Variants in GUCY2D observed in about 807,000 individuals in gnomAD.
GUCY2D encodes guanylate cyclase 2D, retinal.
A neutral mutation model predicts 101.3 loss-of-function variants in GUCY2D; 70 were observed. The ratio of observed to expected loss-of-function variants is 0.69; its 90% CI spans 0.57 to 0.84. The LOEUF (loss-of-function observed/expected upper bound fraction) is 0.84. Among genes scored for constraint, GUCY2D ranks in the 40% least tolerant of loss-of-function variants. GUCY2D has a pLI of 0.00. For missense variants in GUCY2D, 1,460 were observed against 1,542.5 expected, an observed-to-expected ratio of 0.95 and a Z score of 0.90; for synonymous variants, 688 against 670.7, an observed-to-expected ratio of 1.03 and a Z score of -0.40.
At chr17:8,007,396 C>T (rs771139931) in intron 5 of GUCY2D, 30 bp from the exon 6 acceptor site, 5 of 1,450,646 alleles carry the variant, frequency 3.4e-6, no homozygotes, top group Non-Finnish European at 4.8e-6. Flanking sequence ...ACTTGGTGCC[C>T]TTGGTGGAGG....
intron 19 of GUCY2D, among the ~76,000 whole-genome samples, chr17:8,019,055 A>T (rs1408745769): frequency 6.6e-6 from 1 of 152,180 alleles, no homozygotes; most frequent in Non-Finnish European, 1.5e-5. Flanking sequence ...AACAAAACAA[A>T]ACCCGGGCAT....
At chr17:8,007,620 G>A in intron 6 of GUCY2D, 92 bp downstream of exon 6, 1 of 796,846 alleles carries the variant, frequency 1.3e-6, no homozygotes, top group Non-Finnish European at 2.2e-6. Context: ...TCCCTACTTG[G>A]GAAGCCTGAT....
At chr17:8,017,778 C>T (rs1211276908) in intron 19 of GUCY2D, among the ~76,000 whole-genome samples, 1 of 152,116 alleles carries the variant, frequency 6.6e-6, no homozygotes, top group Non-Finnish European at 1.5e-5. Context: ...TTGCAACCTC[C>T]TCCTCTCAGG....
chr17:8,015,214 C>T, intron 14 of GUCY2D, 114 bp from the exon 15 acceptor site: 1 of 1,135,212 alleles, frequency 8.8e-7, no homozygotes, highest in Non-Finnish European at 1.3e-6. Flanking sequence ...AGTCCTTCCA[C>T]TAGCAACCTG....
chr17:8,014,435 A>T lies in GUCY2D; in HGVS notation c.2413-166A>T. The T allele has an allele frequency of 1.4e-6, 1 of 715,480 alleles. No homozygotes were observed. Among genetic ancestry groups the T allele is most frequent in the Non-Finnish European group, 2.5e-6 (1 of 398,600 alleles). 44.3% of individuals were successfully genotyped at this position (715,480 alleles called of 1,614,324 possible). ...ACGTGCCTCCTAATCGTGTCTGAAA[A>T]CACAGTGCCCAGCACCCCGGGGTGC... On this transcript the variant is annotated intron_variant, in intron 12 of 19. Coordinates refer to ENST00000254854, the MANE Select transcript of GUCY2D (RefSeq NM_000180.4). This position sits in a 1 kb window ranked among gnomAD's most constrained non-coding sequence, Gnocchi z 4.0.
Position 8,012,124 on chromosome 17 carries a change from G to C in GUCY2D, c.1750-20G>C. The C allele has an allele frequency of 6.3e-7, 1 of 1,593,098 alleles. No homozygotes were observed. Among genetic ancestry groups the C allele is most frequent in the East Asian group, 2.2e-5 (1 of 44,774 alleles). On this transcript the variant is annotated intron_variant, in intron 8 of 19. Transcript: ENST00000254854. ...ACATTGCCCTGGGCAGAAAATGCAA[G>C]TCAACTCTCCCCCTCTCAGCTCCAG... is the stretch of plus-strand genomic sequence containing the variant.
rs763034153 is a variant in GUCY2D at position 8,014,826 on chromosome 17, C to T, written c.2577-33C>T. The T allele has an allele frequency of 1.9e-6, 3 of 1,612,112 alleles. No individual in the cohort carries two copies. Among genetic ancestry groups the T allele is most frequent in the Non-Finnish European group, 1.7e-6 (2 of 1,178,368 alleles). ...GCTGGAGCCCAGCCAGGTAGAGTGG[C>T]CCCCAGGTGACCTCACTGCCTGCCA... On this transcript the variant is annotated intron_variant, in intron 13 of 19. Coordinates refer to ENST00000254854, the MANE Select transcript of GUCY2D (RefSeq NM_000180.4). The surrounding 1 kb of genome is among the most constrained non-coding windows in gnomAD (Gnocchi z 4.0).
chr17:8,003,860 A>G lies in GUCY2D; in HGVS notation c.730A>G (p.Met244Val), dbSNP rs141956583. The G allele has an allele frequency of 1.2e-6, 2 of 1,612,226 alleles. No homozygotes were observed. The highest frequency in any genetic ancestry group is 3.3e-5 in the Admixed American group (2 of 59,988). Residue 244 changes from methionine (M) to valine (V), a missense_variant, in exon 3 of 20, where the codon ATG (methionine) becomes GTG (valine). This residue lies in a region of GUCY2D where 1,196 missense variants were observed against 1,229.6 expected (regional missense o/e 0.97). Coordinates refer to ENST00000254854, the MANE Select transcript of GUCY2D (RefSeq NM_000180.4). ...CAAGCCTCTGTCCGCAGCAGTGATCATGGTGATGCACTCGGTGCTGCTGGG... is the reference window on the plus strand; with the variant it reads ...CAAGCCTCTGTCCGCAGCAGTGATCGTGGTGATGCACTCGGTGCTGCTGGG... ...RDGPRVTAVI[M>V]VMHSVLLGGE...
intron 16 of GUCY2D, 28 bp from the exon 17 acceptor site, chr17:8,015,899 G>A (rs1975961563): frequency 8.8e-6 from 14 of 1,596,346 alleles, no homozygotes; most frequent in African/African-American, 2.7e-5. Flanking sequence ...GGTGAGTCCC[G>A]AGCTCACGGC....
In GUCY2D at chr17:8,003,179, G is replaced by C; in HGVS notation, c.132G>C (p.Leu44=). The C allele has an allele frequency of 6.6e-7, 1 of 1,514,014 alleles. No homozygotes were observed. The highest frequency in any genetic ancestry group is 8.8e-7 in the Non-Finnish European group (1 of 1,137,196). 93.8% of individuals were successfully genotyped at this position (1,514,014 alleles called of 1,614,324 possible). ...TCCCGCTCCTGCTGCTCCTGCTTCT[G>C]CTGCAGCCCCCCGCCCTCTCCGCCG... is the stretch of plus-strand genomic sequence containing the variant. ...PRLPLLLLLL[L]LQPPALSAVF... The change falls in exon 2 of 20, where the codon CTG becomes CTC. Residue 44 remains leucine (L), a synonymous_variant. Coordinates refer to ENST00000254854, the MANE Select transcript of GUCY2D (RefSeq NM_000180.4).
intron 3 of GUCY2D, among the ~76,000 whole-genome samples, chr17:8,004,993 G>C (rs978358647): frequency 1.3e-5 from 2 of 151,982 alleles, no homozygotes; most frequent in Admixed American, 1.3e-4. Flanking sequence ...AGGGAGGGTC[G>C]GTCAGTGGAG....
rs1198818689 is a variant in GUCY2D at position 8,007,517 on chromosome 17, A to C, written c.1555A>C (p.Thr519Pro). 3 of 1,599,986 alleles carry C rather than the reference A, an allele frequency of 1.9e-6. No individual in the cohort carries two copies. Among genetic ancestry groups the C allele is most frequent in the Non-Finnish European group, 2.6e-6 (3 of 1,167,484 alleles). ...CACCTTTCTCCACCCACATGGGGGC[A>C]CCTCTCGAAAGGTGGGGGAGGCAGA... Reference protein sequence around the residue: ...DITFLHPHGGTSRKVAQGSRS... With the variant: ...DITFLHPHGGPSRKVAQGSRS... The change falls in exon 6 of 20, where the codon ACC becomes CCC. Residue 519 changes from threonine to proline, a missense_variant. By Grantham distance (38) the Thr-to-Pro change is conservative. Coordinates refer to ENST00000254854, the MANE Select transcript of GUCY2D (RefSeq NM_000180.4).
chr17:8,014,201 T>TGTG lies in GUCY2D; in HGVS notation c.2412+175_2412+177dup, dbSNP rs1278784539. ...TTGGGGGCAGAATTGGAATGGGGGC[T>TGTG]GTGGAGGCTTTTGGAGTGGGAGATA... On this transcript the variant is annotated intron_variant, in intron 12 of 19. Coordinates refer to ENST00000254854, the MANE Select transcript of GUCY2D (RefSeq NM_000180.4). This position sits in a 1 kb window ranked among gnomAD's most constrained non-coding sequence, Gnocchi z 4.0. The TGTG allele has an allele frequency of 1.8e-5, 12 of 679,810 alleles. No homozygotes were observed. The highest frequency in any genetic ancestry group is 2.9e-5 in the Non-Finnish European group (11 of 379,184). The allele number at this position is 679,810 out of a possible 1,614,324, so 42.1% of individuals were successfully genotyped here. A position where few individuals can be genotyped will look rare whatever the true frequency, so the allele number is the denominator to read the frequency against.
Position 8,013,122 on chromosome 17 carries a change from G to A in GUCY2D, c.2133G>A (p.Pro711=), listed in dbSNP as rs750635086. The A allele has an allele frequency of 1.6e-5, 26 of 1,613,144 alleles. No individual in the cohort carries two copies. The highest frequency in any genetic ancestry group is 2.0e-5 in the Non-Finnish European group (24 of 1,179,954). Residue 711 remains proline (P), a synonymous_variant, in exon 11 of 20, where the codon CCG becomes CCA. Coordinates refer to ENST00000254854, the MANE Select transcript of GUCY2D (RefSeq NM_000180.4). The surrounding 1 kb of genome is among the most constrained non-coding windows in gnomAD (Gnocchi z 5.0). ...PRAEDQLWTA[P]ELLRDPALER... is the part of the protein sequence containing the mutation. ...CCCCAGACCAGCTGTGGACAGCCCC[G>A]GAGCTGCTTAGGGACCCAGCCCTGG...
In GUCY2D at chr17:8,006,343, C is replaced by A. The variant is rs1275683113; in HGVS notation, c.1027-20C>A. 1.3e-6 allele frequency: 2 copies of A among 1,581,730 alleles called. No individual in the cohort carries two copies. Among genetic ancestry groups the A allele is most frequent in the Admixed American group, 1.7e-5 (1 of 59,962 alleles). ...GTGGGCTGTGACCCCGACCTCTGAG[C>A]CCCTACTCTCCTTCTCCAGGTCTCC... On this transcript the variant is annotated intron_variant, in intron 3 of 19. Coordinates refer to ENST00000254854, the MANE Select transcript of GUCY2D (RefSeq NM_000180.4).
In GUCY2D at chr17:8,013,637, A is replaced by G; in HGVS notation, c.2264-243A>G. The G allele has an allele frequency of 1.7e-6, 1 of 591,130 alleles. No homozygotes were observed. Among genetic ancestry groups the G allele is most frequent in the Non-Finnish European group, 3.0e-6 (1 of 331,496 alleles). 36.6% of individuals were successfully genotyped at this position (591,130 alleles called of 1,614,324 possible). ...ATCCCTCACTTGTCTTACATACAAT[A>G]TGTTAGTTTCTTTGCCTATGTCACC... On this transcript the variant is annotated intron_variant, in intron 11 of 19. Transcript: ENST00000254854. This position sits in a 1 kb window ranked among gnomAD's most constrained non-coding sequence, Gnocchi z 5.0.
At chr17:8,017,268 G>A (rs551592000) in intron 19 of GUCY2D, among the ~76,000 whole-genome samples, 5 of 152,286 alleles carry the variant, frequency 3.3e-5, no homozygotes, top group Admixed American at 3.3e-4. Flanking sequence ...CTGACAGCTG[G>A]GTGGCTTGTG....
chr17:8,007,378 C>G, intron 5 of GUCY2D, 48 bp from the exon 6 acceptor site: 1 of 1,293,414 alleles, frequency 7.7e-7, no homozygotes, highest in Non-Finnish European at 1.1e-6. Context: ...CTGGTCTCTT[C>G]TGACGGAACT....
intron 19 of GUCY2D, among the ~76,000 whole-genome samples, chr17:8,017,817 C>G (rs540118139): frequency 6.6e-6 from 1 of 152,054 alleles, no homozygotes; most frequent in Non-Finnish European, 1.5e-5. Flanking sequence ...CTCAGCCTGC[C>G]GAGTAGCTGG....
Sources: allele counts gnomAD v4.1 joint callset (sites outside exome capture counted in the v4.1 genomes callset), GRCh38; gene constraint gnomAD v4.1.1; regional missense constraint gnomAD v4.1.1; non-coding constraint Gnocchi (gnomAD v3.1); transcripts MANE v1.5; gene names NCBI Gene and HGNC (gene_info 2026-07-23, HGNC 2026-07-21).